SP140L: variants seen among roughly 807,000 people sequenced by gnomAD.
SP140L encodes the protein nuclear body protein SP140-like protein.
SP140L carries 64 observed loss-of-function variants against 84.3 expected under a neutral mutation model. That is an observed-to-expected ratio of 0.76 (90% CI 0.62 to 0.94). SP140L has a LOEUF of 0.94. Among genes scored for constraint, SP140L ranks in the 40% least tolerant of loss-of-function variants. The pLI is 0.00. For synonymous variants in SP140L, 242 were observed against 236.9 expected (o/e 1.02, Z -0.20); for missense variants, 628 against 692.5 (o/e 0.91, Z 1.05).
intron 9 of SP140L, among the ~76,000 whole-genome samples, chr2:230,386,643 AT>A (rs1438302290): frequency 6.6e-6 from 1 of 152,158 alleles, no homozygotes; most frequent in Non-Finnish European, 1.5e-5. Flanking sequence ...TGTATTATGA[AT>A]TTGCTGGATT....
chr2:230,385,391 T>C (rs761754823), intron 9 of SP140L, 87 bp downstream of exon 9: 172 of 1,266,068 alleles, frequency 1.4e-4, no homozygotes, highest in Non-Finnish European at 1.9e-4. Context: ...CTTTATTGTT[T>C]ACTAGTCAAA....
At chr2:230,342,237 TGG>T (rs1283048318) in intron 2 of SP140L, 1 of 156,224 alleles carries the variant, frequency 6.4e-6, no homozygotes, top group East Asian at 1.9e-4. Context: ...AGTATTCAGG[TGG>T]GAGTGACCCG....
intron 10 of SP140L, 166 bp downstream of exon 10, chr2:230,388,799 AG>A: frequency 1.5e-6 from 1 of 679,980 alleles, no homozygotes; most frequent in Non-Finnish European, 2.3e-6. Flanking sequence ...TATCAAGGAA[AG>A]AAGGAAGTAA....
chr2:230,400,252 A>G lies in SP140L; in HGVS notation c.1313+10A>G, dbSNP rs917508659. The G allele has an allele frequency of 6.2e-7, 1 of 1,613,274 alleles. No homozygotes were observed. Among genetic ancestry groups the G allele is most frequent in the Non-Finnish European group, 8.5e-7 (1 of 1,179,344 alleles). On this transcript the variant is annotated intron_variant, in intron 15 of 18. Transcript: ENST00000415673. ...CTGTGGAAAGTGAGAAGTAAGTGAC[A>G]TGCAGGCACCTCTCTTTCATCCTTT...
intron 2 of SP140L, among the ~76,000 whole-genome samples, chr2:230,356,813 C>G (rs1380597446): frequency 2.0e-5 from 3 of 152,184 alleles, no homozygotes; most frequent in Non-Finnish European, 4.4e-5. Flanking sequence ...TATTTGAAAT[C>G]TCTTATGTGC....
At chr2:230,355,230 A>G (rs2060507111) in intron 2 of SP140L, among the ~76,000 whole-genome samples, 1 of 152,188 alleles carries the variant, frequency 6.6e-6, no homozygotes, top group African/African-American at 2.4e-5. Flanking sequence ...TAAATACTTT[A>G]CTAGAACTAA....
At chr2:230,342,500 G>T (rs2060085546) in intron 2 of SP140L, among the ~76,000 whole-genome samples, 3 of 152,196 alleles carry the variant, frequency 2.0e-5, no homozygotes, top group Admixed American at 1.3e-4. Flanking sequence ...TTCCTATTCG[G>T]CCATCTTGGC....
intron 7 of SP140L, among the ~76,000 whole-genome samples, chr2:230,376,243 G>A (rs572485264): frequency 6.6e-6 from 1 of 152,190 alleles, no homozygotes; most frequent in African/African-American, 2.4e-5. Context: ...TCACACTGCT[G>A]GAAGTCCTAG....
chr2:230,337,438 G>T (rs1254152528), intron 2 of SP140L, among the ~76,000 whole-genome samples: 1 of 151,892 alleles, frequency 6.6e-6, no homozygotes, highest in Non-Finnish European at 1.5e-5. Context: ...CTCCCATTTT[G>T]TAGGTTGCCT....
chr2:230,372,483 TGGGAGGCCGA>T (rs1402661665), intron 7 of SP140L: 2 of 152,084 alleles, frequency 1.3e-5, no homozygotes, highest in Non-Finnish European at 2.9e-5. Context: ...CCTAGCACTT[TGGGAGGCCGA>T]GACGGGCGGA....
intron 4 of SP140L, 125 bp from the exon 5 acceptor site, chr2:230,361,489 T>G: frequency 1.6e-6 from 1 of 614,262 alleles, no homozygotes; most frequent in Non-Finnish European, 2.7e-6. Context: ...CAGAAGATGA[T>G]AGGAGAAGTT....
At chr2:230,387,122 C>T (rs1443412671) in intron 9 of SP140L, among the ~76,000 whole-genome samples, 2 of 152,146 alleles carry the variant, frequency 1.3e-5, no homozygotes, top group Admixed American at 6.6e-5. Flanking sequence ...GCCTGGAAAC[C>T]TCATCTTCCA....
chr2:230,333,164 AT>A lies in SP140L; in HGVS notation c.107+4348del, dbSNP rs777170281. On this transcript the variant is annotated intron_variant, in intron 2 of 18. Transcript: ENST00000415673. ...TAATAAGAAGTCGAATGCCATTCTG[AT>A]TTTTTTTTTTTTTTGATGGAGTCTC... Among the ~76,000 whole-genome samples, 666 of 143,256 alleles carry A rather than the reference AT, an allele frequency of 4.6e-3. 1 individual carries two copies. The highest frequency in any genetic ancestry group is 4.6e-3 in the African/African-American group (181 of 39,082). The allele number at this position is 143,256 out of a possible 152,430, so 94.0% of individuals were successfully genotyped here.
At chr2:230,384,710 G>A (rs1365202671) in intron 8 of SP140L, among the ~76,000 whole-genome samples, 4 of 152,086 alleles carry the variant, frequency 2.6e-5, no homozygotes, top group East Asian at 3.9e-4. Context: ...GTTGGAGTTC[G>A]AGAACAGCCT....
intron 5 of SP140L, among the ~76,000 whole-genome samples, chr2:230,366,981 G>A (rs1041515744): frequency 6.6e-6 from 1 of 151,864 alleles, no homozygotes; most frequent in African/African-American, 2.4e-5. Flanking sequence ...GTCCACCTCG[G>A]CCTCCCAAAG....
chr2:230,393,177 A>G (rs2149813480), intron 12 of SP140L, among the ~76,000 whole-genome samples: 1 of 152,316 alleles, frequency 6.6e-6, no homozygotes, highest in East Asian at 1.9e-4. Context: ...ACCTCTTAGG[A>G]CTTAGGAAAG....
In SP140L at chr2:230,370,954, A is replaced by C; in HGVS notation, c.570A>C (p.Ala190=). The C allele has an allele frequency of 6.2e-7, 1 of 1,613,832 alleles. No individual in the cohort carries two copies. The highest frequency in any genetic ancestry group is 1.1e-5 in the South Asian group (1 of 91,016). The change falls in exon 6 of 19, where the codon GCA becomes GCC. Residue 190 remains alanine (A), a synonymous_variant. Coordinates refer to ENST00000415673, the MANE Select transcript of SP140L (RefSeq NM_138402.6). Reference sequence around the variant, plus strand: ...AAGCAAGGAAGGAAAGTGACCAAGCATGTGGCAAAATGGGTAAGGCTGCCT... The same window carrying C: ...AAGCAAGGAAGGAAAGTGACCAAGCCTGTGGCAAAATGGGTAAGGCTGCCT... ...SPEARKESDQ[A]CGKMDTVDIA... is the part of the protein sequence containing the mutation.
intron 7 of SP140L, among the ~76,000 whole-genome samples, chr2:230,378,077 C>A (rs1027548174): frequency 1.3e-5 from 2 of 152,088 alleles, no homozygotes; most frequent in African/African-American, 4.8e-5. Context: ...AGTATCCTTT[C>A]TGCATTGAAT....
rs764936735 is a variant in SP140L, at chr2:230,334,470, G to T, written c.107+5639G>T. 3.3e-5 allele frequency among the ~76,000 whole-genome samples: 5 copies of T among 152,264 alleles called. No individual in the cohort carries two copies. In the South Asian group the frequency reaches 8.3e-4, roughly 25 times the overall value. ...AGATGAATGCAGATGTGTTCAACCC[G>T]CCAGGCTTAATGAAATACATAGATC... On this transcript the variant is annotated intron_variant, in intron 2 of 18. Transcript: ENST00000415673.
Sources: gnomAD v4.1 joint callset for allele counts (sites outside exome capture counted in the v4.1 genomes callset) on GRCh38, gnomAD v4.1.1 for gene constraint, MANE v1.5 for transcripts, NCBI Gene and HGNC (gene_info 2026-07-23, HGNC 2026-07-21) for gene names.